The following GPM6A variants were observed in gnomAD, a reference collection of about 807,000 sequenced individuals.
GPM6A encodes neuronal membrane glycoprotein M6-a.
GPM6A carries 7 observed loss-of-function variants against 32.1 expected under a neutral mutation model. The ratio of observed to expected loss-of-function variants is 0.22; its 90% confidence interval spans 0.12 to 0.41. GPM6A has a LOEUF of 0.41. Among genes scored for constraint, GPM6A ranks in the 10% least tolerant of loss-of-function variants. The pLI, the probability that GPM6A is intolerant of heterozygous loss-of-function variation, is 1.00. For missense variants in GPM6A, 235 were observed against 347.2 expected (o/e 0.68, Z 2.57); for synonymous variants, 130 against 123.4 (o/e 1.05, Z -0.35).
intron 1 of GPM6A, among the ~76,000 whole-genome samples, chr4:175,730,526 A>G (rs1166322910): frequency 1.3e-5 from 2 of 150,906 alleles, no homozygotes; most frequent in South Asian, 4.2e-4. Context: ...GCTGGAGTGC[A>G]GTGGCGCGAT....
intron 1 of GPM6A, among the ~76,000 whole-genome samples, chr4:175,978,326 A>G (rs1287130093): frequency 1.3e-5 from 2 of 152,172 alleles, no homozygotes; most frequent in East Asian, 3.9e-4. Context: ...AGAACTCACT[A>G]ACTATCATGA....
At chr4:175,863,359 T>TC (rs1348021466) in intron 1 of GPM6A, among the ~76,000 whole-genome samples, 2 of 152,202 alleles carry the variant, frequency 1.3e-5, no homozygotes, top group Non-Finnish European at 2.9e-5. Context: ...TGGATTTTTT[T>TC]CACTCAGTAT....
chr4:175,850,872 C>T (rs1579566327), intron 1 of GPM6A, among the ~76,000 whole-genome samples: 1 of 150,072 alleles, frequency 6.7e-6, no homozygotes, highest in South Asian at 2.1e-4. Context: ...TATAATTTCA[C>T]ATATGATACT....
chr4:175,673,563 G>A (rs1195720042), intron 3 of GPM6A, 117 bp downstream of exon 3: 5 of 625,956 alleles, frequency 8.0e-6, no homozygotes, highest in East Asian at 2.7e-5. Context: ...TAGCATCACA[G>A]AAGGAAACGT....
At position 175,757,241 on chromosome 4, in the gene GPM6A, T is replaced by G. The variant is rs138160948; in HGVS notation, c.37+54950A>C. ...AGGCATTCCCGTCTAAACACACACA[T>G]GGAGAGAAACTGAGGACTCCCCCTG... On this transcript the variant is annotated intron_variant, in intron 1 of 6. Transcript: ENST00000393658. Among the ~76,000 whole-genome samples, 646 of 151,830 alleles carry G rather than the reference T, an allele frequency of 4.3e-3. 3 individuals carry two copies. Among genetic ancestry groups the G allele is most frequent in the Non-Finnish European group, 6.9e-3 (467 of 67,908 alleles).
intron 1 of GPM6A, among the ~76,000 whole-genome samples, chr4:175,839,134 A>T (rs1307866557): frequency 6.6e-6 from 1 of 152,210 alleles, no homozygotes; most frequent in Non-Finnish European, 1.5e-5. Flanking sequence ...AAAAAGCCAG[A>T]CTTAAATAAA....
intron 1 of GPM6A, among the ~76,000 whole-genome samples, chr4:175,871,965 A>G (rs1424751869): frequency 6.6e-6 from 1 of 152,226 alleles, no homozygotes; most frequent in Non-Finnish European, 1.5e-5. Flanking sequence ...CATTCCAGAG[A>G]AAATGTCTGA....
rs1397350029 is a variant in GPM6A, at chr4:175,817,609, G to A, written c.-22-5360C>T. On this transcript the variant is annotated intron_variant, in intron 1 of 7. Coordinates refer to the GPM6A transcript ENST00000280187. The stretch of plus-strand genomic sequence containing the variant: ...GTTTGATCTGACCTGATCAAAGCAG[G>A]TGACCTTTCACCCAAAGGAGATGAA... 2.0e-5 allele frequency among the ~76,000 whole-genome samples: 3 copies of A among 151,170 alleles called. No individual in the cohort carries two copies. In the East Asian group the frequency reaches 5.9e-4, roughly 30 times the overall value.
At chr4:175,919,377 G>A (rs1031148141) in intron 1 of GPM6A, among the ~76,000 whole-genome samples, 29 of 151,828 alleles carry the variant, frequency 1.9e-4, no homozygotes, top group Non-Finnish European at 3.5e-4. Flanking sequence ...CAAGATCCCC[G>A]GCCAAAAAAG....
chr4:175,964,633 T>C (rs1310869923), intron 1 of GPM6A, among the ~76,000 whole-genome samples: 2 of 152,220 alleles, frequency 1.3e-5, no homozygotes, highest in African/African-American at 2.4e-5. Flanking sequence ...AACAGTCATA[T>C]TGGATTAGGG....
At chr4:175,920,409 G>C (rs1233881796) in intron 1 of GPM6A, among the ~76,000 whole-genome samples, 15 of 152,166 alleles carry the variant, frequency 9.9e-5, no homozygotes, top group Admixed American at 9.8e-4. Flanking sequence ...ACTGAGAACT[G>C]TTCCATGCAT....
At chr4:175,955,037 A>G (rs1446893363) in intron 1 of GPM6A, among the ~76,000 whole-genome samples, 2 of 152,244 alleles carry the variant, frequency 1.3e-5, no homozygotes, top group African/African-American at 4.8e-5. Flanking sequence ...GATTTTTCGT[A>G]AGAGTCCTGA....
At chr4:175,786,480 T>C (rs1733802756) in intron 1 of GPM6A, among the ~76,000 whole-genome samples, 1 of 151,856 alleles carries the variant, frequency 6.6e-6, no homozygotes, top group African/African-American at 2.4e-5. Context: ...CTTCTGATTG[T>C]CTATTTTCAT....
chr4:175,879,530 T>C (rs185889199), intron 1 of GPM6A, among the ~76,000 whole-genome samples: 254 of 152,192 alleles, frequency 1.7e-3, no homozygotes, highest in African/African-American at 5.8e-3. Flanking sequence ...CTCATAAAAG[T>C]ATCAGATCTC....
At chr4:175,730,888 A>G (rs1359764312) in intron 1 of GPM6A, among the ~76,000 whole-genome samples, 3 of 151,904 alleles carry the variant, frequency 2.0e-5, no homozygotes, top group Non-Finnish European at 2.9e-5. Context: ...TTTTCTTGAC[A>G]CTGCTTTAAC....
At chr4:175,739,172 T>C (rs1050517797) in intron 1 of GPM6A, among the ~76,000 whole-genome samples, 8 of 152,172 alleles carry the variant, frequency 5.3e-5, no homozygotes, top group African/African-American at 1.9e-4. Flanking sequence ...ATTGTTCTCA[T>C]TAAGTTCTTT....
intron 1 of GPM6A, among the ~76,000 whole-genome samples, chr4:175,953,920 A>ATAAAG (rs1739900315): frequency 6.6e-6 from 1 of 152,168 alleles, no homozygotes; most frequent in African/African-American, 2.4e-5. Flanking sequence ...ATAAAATAAA[A>ATAAAG]TAACTACCAT....
At chr4:175,814,585 T>A (rs1248507770), upstream of GPM6A, among the ~76,000 whole-genome samples, 2 of 152,244 alleles carry the variant, frequency 1.3e-5, no homozygotes, top group Non-Finnish European at 2.9e-5. Context: ...TGCAGCAGAA[T>A]ACACTCATAT....
intron 1 of GPM6A, chr4:175,962,180 G>A (rs1740188479): frequency 1.8e-6 from 2 of 1,087,288 alleles, no homozygotes; most frequent in Non-Finnish European, 2.8e-6. Flanking sequence ...TCGAGCACCT[G>A]CTTTCTTTGC....
Sources: gnomAD v4.1 joint callset for allele counts (sites outside exome capture counted in the v4.1 genomes callset) on GRCh38, gnomAD v4.1.1 for gene constraint, MANE v1.5 for transcripts, NCBI Gene and HGNC (gene_info 2026-07-23, HGNC 2026-07-21) for gene names.